The following BLTP1 variants were observed in gnomAD, a reference collection of about 807,000 sequenced individuals.
BLTP1 encodes bridge-like lipid transfer protein family member 1, also known as fragile site-associated protein.
the BLTP1 span, chr4:122,248,095 G>A: frequency 2.0e-6 from 2 of 985,192 alleles, no homozygotes; most frequent in East Asian, 2.3e-4. Context: ...TTCTGGGTCT[G>A]TGTACCTGTT....
the BLTP1 span, chr4:122,237,535 A>G: frequency 2.4e-6 from 1 of 421,998 alleles, no homozygotes; most frequent in Non-Finnish European, 3.2e-6. Context: ...AAATCCGAAT[A>G]GAAGATATAT....
chr4:122,301,238 C>A, the BLTP1 span: 10 of 1,441,278 alleles, frequency 6.9e-6, no homozygotes, highest in East Asian at 1.6e-4. Context: ...TTTTTTAATG[C>A]ACAAAATAGT....
chr4:122,172,926 A>G, the BLTP1 span: 4 of 1,568,192 alleles, frequency 2.6e-6, no homozygotes, highest in Admixed American at 4.1e-5. Flanking sequence ...AGAAAGCTGG[A>G]TAAAGTATAA....
chr4:122,280,373 C>G, the BLTP1 span, among the ~76,000 whole-genome samples: 4 of 152,120 alleles, frequency 2.6e-5, no homozygotes, highest in East Asian at 7.7e-4. Context: ...ATTTATGTCC[C>G]AAGGCAGCAT....
chr4:122,219,225 T>A, the BLTP1 span: 1 of 1,465,818 alleles, frequency 6.8e-7, no homozygotes, highest in Non-Finnish European at 9.1e-7. Context: ...CCTGATGCCT[T>A]TTTATTAAAT....
At chr4:122,242,923 T>C in the BLTP1 span, 1 of 890,096 alleles carries the variant, frequency 1.1e-6, no homozygotes, top group Non-Finnish European at 1.8e-6. Context: ...AATTCAGGTA[T>C]TTACATATAT....
At chr4:122,174,663 T>TA in the BLTP1 span, 1 of 1,558,394 alleles carries the variant, frequency 6.4e-7, no homozygotes, top group East Asian at 2.3e-5. Flanking sequence ...GTAACAAAAT[T>TA]AAAAAATTGA....
chr4:122,160,328 C>T, the BLTP1 span, among the ~76,000 whole-genome samples: 4 of 152,014 alleles, frequency 2.6e-5, no homozygotes, highest in Admixed American at 6.5e-5. Flanking sequence ...TATTGGTTAG[C>T]GTTCTATTTA....
At chr4:122,345,629 T>C in the BLTP1 span, among the ~76,000 whole-genome samples, 1 of 151,278 alleles carries the variant, frequency 6.6e-6, no homozygotes, top group African/African-American at 2.4e-5. Context: ...TGATAAAGAA[T>C]TGGGTTCTGA....
chr4:122,222,374 A>G, the BLTP1 span, among the ~76,000 whole-genome samples: 2 of 152,160 alleles, frequency 1.3e-5, no homozygotes, highest in Admixed American at 1.3e-4. Flanking sequence ...TGAAGGTTCT[A>G]AGGTGACTGA....
At chr4:122,310,946 G>T in the BLTP1 span, 1 of 917,150 alleles carries the variant, frequency 1.1e-6, no homozygotes, top group Non-Finnish European at 1.3e-6. Flanking sequence ...AATCTTTATA[G>T]ATTTATTATT....
the BLTP1 span, among the ~76,000 whole-genome samples, chr4:122,267,160 G>A: frequency 1.4e-5 from 2 of 141,942 alleles, no homozygotes; most frequent in Non-Finnish European, 3.0e-5. Context: ...CCGGGTTCAT[G>A]CCATTCTCCT....
the BLTP1 span, chr4:122,316,853 A>C: frequency 6.3e-7 from 1 of 1,594,864 alleles, no homozygotes; most frequent in South Asian, 1.1e-5. Context: ...AAAGTAATAG[A>C]TGATCTGAAG....
the BLTP1 span, chr4:122,208,385 G>A: frequency 8.1e-6 from 8 of 984,612 alleles, no homozygotes; most frequent in Non-Finnish European, 9.6e-6. Context: ...TAAGAAACTA[G>A]TCATCAAGAT....
At chr4:122,152,453 G>C in the BLTP1 span, 1 of 985,606 alleles carries the variant, frequency 1.0e-6, no homozygotes, top group African/African-American at 1.7e-5. Flanking sequence ...AAGGGTGTGG[G>C]CACCGGCAGA....
chr4:122,239,474 A>C, the BLTP1 span: 1 of 1,423,508 alleles, frequency 7.0e-7, no homozygotes, highest in African/African-American at 1.4e-5. Context: ...CTTAAATTTT[A>C]TGATGTATAG....
At chr4:122,228,899 A>C in the BLTP1 span, among the ~76,000 whole-genome samples, 1 of 152,208 alleles carries the variant, frequency 6.6e-6, no homozygotes, top group African/African-American at 2.4e-5. Flanking sequence ...TTCTGAATGA[A>C]AATGGTGCAT....
chr4:122,250,633 C>T, the BLTP1 span: 1 of 1,497,934 alleles, frequency 6.7e-7, no homozygotes, highest in Non-Finnish European at 9.2e-7. Context: ...AAGAAAACTA[C>T]ATATGCAATT....
the BLTP1 span, chr4:122,258,545 A>G: frequency 7.0e-6 from 4 of 574,434 alleles, no homozygotes; most frequent in Non-Finnish European, 8.8e-6. Flanking sequence ...CCTTTCTTGA[A>G]ACTGAGTGAG....
Sources: gnomAD v4.1 joint callset for allele counts (sites outside exome capture counted in the v4.1 genomes callset) on GRCh38, gnomAD v4.1.1 for gene constraint, MANE v1.5 for transcripts, NCBI Gene and HGNC (gene_info 2026-07-23, HGNC 2026-07-21) for gene names.